The following RORB variants were observed in gnomAD, a reference collection of about 807,000 sequenced individuals.
RORB encodes the protein RAR related orphan receptor B, also known as nuclear receptor ROR-beta.
Under a neutral mutation model 59.1 loss-of-function variants are expected in RORB, and 6 were observed. That is an observed-to-expected ratio of 0.10 (90% confidence interval 0.06 to 0.20). The LOEUF (loss-of-function observed/expected upper bound fraction) is 0.20, where lower values mean the gene tolerates loss of function less well. Among genes scored for constraint, RORB ranks in the 10% least tolerant of loss-of-function variants. The pLI, the probability that RORB is intolerant of heterozygous loss-of-function variation, is 1.00. For missense variants in RORB, 320 were observed against 560.5 expected, an observed-to-expected ratio of 0.57 and a Z score of 4.33; for synonymous variants, 215 against 204.5, an observed-to-expected ratio of 1.05 and a Z score of -0.44.
chr9:74,681,470 G>T (rs894482445), intron 9 of RORB, among the ~76,000 whole-genome samples: 1 of 152,192 alleles, frequency 6.6e-6, no homozygotes, highest in African/African-American at 2.4e-5. Flanking sequence ...GAGCATGGAC[G>T]CTGGGAGAGC....
intron 1 of RORB, among the ~76,000 whole-genome samples, chr9:74,598,496 A>T (rs768371915): frequency 3.3e-5 from 5 of 152,126 alleles, no homozygotes; most frequent in East Asian, 1.9e-4. Context: ...ATTTTTTTTT[A>T]AATTATATAT....
chr9:74,679,358 G>T (rs1824503536), intron 9 of RORB, among the ~76,000 whole-genome samples: 1 of 152,192 alleles, frequency 6.6e-6, no homozygotes, highest in African/African-American at 2.4e-5. Context: ...TTATCACAAA[G>T]TTAGCATACC....
At chr9:74,552,017 G>A (rs1255966114) in intron 1 of RORB, among the ~76,000 whole-genome samples, 2 of 152,146 alleles carry the variant, frequency 1.3e-5, no homozygotes, top group Non-Finnish European at 2.9e-5. Context: ...AGTGGAGAAG[G>A]AAAGATTCAA....
intron 1 of RORB, among the ~76,000 whole-genome samples, chr9:74,510,736 C>T (rs1825925877): frequency 6.6e-6 from 1 of 152,036 alleles, no homozygotes; most frequent in Non-Finnish European, 1.5e-5. Context: ...AGTTTCCACA[C>T]TTCAAAAAAT....
intron 4 of RORB, among the ~76,000 whole-genome samples, chr9:74,654,333 G>GGAGAGAGAGAGA: frequency 7.2e-6 from 1 of 138,714 alleles, no homozygotes; most frequent in African/African-American, 2.7e-5. Flanking sequence ...CAGTCTCAGG[G>GGAGAGAGAGAGA]GAGAGAGAGA....
Position 74,497,644 on chromosome 9 carries a change from G to A in RORB, c.-333G>A, listed in dbSNP as rs935017172. 5.0e-6 allele frequency: 2 copies of A among 401,476 alleles called. No homozygotes were observed. Among genetic ancestry groups the A allele is most frequent in the Non-Finnish European group, 9.0e-6 (2 of 222,532 alleles). The allele number at this position is 401,476 out of a possible 1,614,324, so 24.9% of individuals were successfully genotyped here. ...GGCGGTGGCATTTTTTAAAAAGCAA[G>A]CACATTGGAGAGAAAGAAAAAGAAA... On this transcript the variant is annotated 5_prime_UTR_variant, in exon 1 of 10. Coordinates refer to ENST00000376896, the MANE Select transcript of RORB (RefSeq NM_006914.4).
chr9:74,676,013 T>G (rs1265754125), intron 9 of RORB, among the ~76,000 whole-genome samples: 2 of 152,176 alleles, frequency 1.3e-5, no homozygotes, highest in African/African-American at 2.4e-5. Flanking sequence ...TGACCAGAGG[T>G]GCAGAGGGTA....
intron 1 of RORB, among the ~76,000 whole-genome samples, chr9:74,599,654 A>C (rs988828412): frequency 6.6e-6 from 1 of 152,218 alleles, no homozygotes; most frequent in African/African-American, 2.4e-5. Context: ...TATTCCAACC[A>C]CATTGTAACC....
chr9:74,681,429 G>A (rs180884460), intron 9 of RORB, among the ~76,000 whole-genome samples: 9 of 152,284 alleles, frequency 5.9e-5, no homozygotes, highest in South Asian at 2.1e-4. Context: ...TTCCACAGCC[G>A]ACTGGGTGTC....
At chr9:74,598,703 T>A (rs931204292) in intron 1 of RORB, among the ~76,000 whole-genome samples, 1 of 150,756 alleles carries the variant, frequency 6.6e-6, no homozygotes, top group Non-Finnish European at 1.5e-5. Flanking sequence ...ATAATAATAA[T>A]CAGACTCATT....
chr9:74,683,507 G>T (rs1363477451), intron 9 of RORB, among the ~76,000 whole-genome samples: 1 of 152,046 alleles, frequency 6.6e-6, no homozygotes, highest in Admixed American at 6.5e-5. Context: ...ACATAATCTG[G>T]CCATGCACAC....
chr9:74,669,635 G>A (rs1211571589), intron 8 of RORB, among the ~76,000 whole-genome samples: 1 of 151,970 alleles, frequency 6.6e-6, no homozygotes, highest in African/African-American at 2.4e-5. Flanking sequence ...TTACATTTTG[G>A]GTTAAGGGAT....
rs1384900465 is a variant in RORB, at chr9:74,685,631, A to G, written c.*13A>G. ...CGGCTGCAAATGAAGGGGACAAGAG[A>G]ACTGTCTCATAGTCATGGAATGCAT... On this transcript the variant is annotated 3_prime_UTR_variant, in exon 10 of 10. Coordinates refer to ENST00000376896, the MANE Select transcript of RORB (RefSeq NM_006914.4). 1 of 1,577,368 alleles carries G rather than the reference A, an allele frequency of 6.3e-7. No individual in the cohort carries two copies. The highest frequency in any genetic ancestry group is 1.1e-5 in the South Asian group (1 of 87,330).
chr9:74,652,530 T>A lies in RORB; in HGVS notation c.638-8087T>A, dbSNP rs114547812. On this transcript the variant is annotated intron_variant, in intron 4 of 9. Transcript: ENST00000376896. ...TATTACTTGCATTAATCTGATTTTTTAATTTTTTTTCCATTTCATAGTTTA... is the reference window on the plus strand; with the variant it reads ...TATTACTTGCATTAATCTGATTTTTAAATTTTTTTTCCATTTCATAGTTTA... Among the ~76,000 whole-genome samples, 240 of 152,354 alleles carry A rather than the reference T, an allele frequency of 1.6e-3. 1 individual carries two copies. Among genetic ancestry groups the A allele is most frequent in the African/African-American group, 5.5e-3 (228 of 41,588 alleles).
chr9:74,589,336 AAT>A (rs1403976126), intron 1 of RORB, among the ~76,000 whole-genome samples: 1 of 152,196 alleles, frequency 6.6e-6, no homozygotes, highest in Non-Finnish European at 1.5e-5. Flanking sequence ...CCATTCCCGA[AAT>A]ATGACTACAC....
At chr9:74,547,848 G>A (rs1826524780) in intron 1 of RORB, among the ~76,000 whole-genome samples, 1 of 152,192 alleles carries the variant, frequency 6.6e-6, no homozygotes, top group Non-Finnish European at 1.5e-5. Flanking sequence ...AGAATGGAGA[G>A]TGATATTATC....
rs138981829 is a variant in RORB, at chr9:74,510,322, G to T, written c.7+12339G>T. 1.9e-3 allele frequency among the ~76,000 whole-genome samples: 292 copies of T among 152,210 alleles called. 1 individual carries two copies. The highest frequency in any genetic ancestry group is 6.4e-3 in the African/African-American group (264 of 41,544). On this transcript the variant is annotated intron_variant, in intron 1 of 9. Transcript: ENST00000376896. Reference sequence around the variant, plus strand: ...AAAAGATTGTACACTTATCTCAGGTGATCCTCTTTGTTTTACAGCATGTAA... The same window carrying T: ...AAAAGATTGTACACTTATCTCAGGTTATCCTCTTTGTTTTACAGCATGTAA...
At chr9:74,498,947 G>A (rs1484289373) in intron 1 of RORB, 2 of 153,508 alleles carry the variant, frequency 1.3e-5, no homozygotes, top group Non-Finnish European at 2.9e-5. Context: ...GGTGGGTTTC[G>A]GGGAGTCACT....
At chr9:74,685,412 G>C (rs375877495) in intron 9 of RORB, 51 bp from the exon 10 acceptor site, 3 of 1,482,996 alleles carry the variant, frequency 2.0e-6, no homozygotes, top group Non-Finnish European at 2.8e-6. Flanking sequence ...CACAGACAGA[G>C]CACTAATGAG....
Sources: allele counts gnomAD v4.1 joint callset (sites outside exome capture counted in the v4.1 genomes callset), GRCh38; gene constraint gnomAD v4.1.1; transcripts MANE v1.5; gene names NCBI Gene and HGNC (gene_info 2026-07-23, HGNC 2026-07-21).